Variants in LITAF observed in about 807,000 individuals in gnomAD.
LITAF encodes the protein lipopolysaccharide induced TNF factor, also known as lipopolysaccharide-induced tumor necrosis factor-alpha factor.
In LITAF, 9 loss-of-function variants were observed where a neutral mutation model predicts 14.5. The ratio of observed to expected loss-of-function variants is 0.62; its 90% confidence interval spans 0.37 to 1.08. LITAF has a LOEUF of 1.08. Ranked by LOEUF, LITAF falls within the 50% of genes least tolerant of loss-of-function variation. The pLI, the probability that LITAF is intolerant of heterozygous loss-of-function variation, is 0.01. For missense variants in LITAF, 206 were observed against 213.4 expected (o/e 0.97, Z 0.22); for synonymous variants, 98 against 88.2 (o/e 1.11, Z -0.62).
At chr16:11,570,703 G>A (rs2064528438) in intron 1 of LITAF, among the ~76,000 whole-genome samples, 2 of 152,108 alleles carry the variant, frequency 1.3e-5, no homozygotes, top group African/African-American at 4.8e-5. Flanking sequence ...GAAAGGTAGA[G>A]GAGTTCGAGA....
chr16:11,561,522 A>T (rs11074998), intron 1 of LITAF: 1 of 152,224 alleles, frequency 6.6e-6, no homozygotes, highest in Non-Finnish European at 1.5e-5. Context: ...GAGACACTGC[A>T]TCTTCTGAGC....
intron 3 of LITAF, among the ~76,000 whole-genome samples, chr16:11,624,721 G>T (rs1442424971): frequency 6.6e-6 from 1 of 152,158 alleles, no homozygotes; most frequent in African/African-American, 2.4e-5. Flanking sequence ...AGGGAAGTGT[G>T]ATCGACTGAA....
intron 1 of LITAF, among the ~76,000 whole-genome samples, chr16:11,596,624 G>GGA (rs56192117): frequency 1 from 29,092 of 29,200 alleles, 14,496 homozygotes; most frequent in Middle Eastern, 1. Context: ...GGGGAGAGGA[G>GGA]GAGAGAGGAG....
chr16:11,556,819 T>G (rs938808244), intron 1 of LITAF, 84 bp from the exon 2 acceptor site: 1 of 1,200,108 alleles, frequency 8.3e-7, no homozygotes, highest in Admixed American at 1.9e-5. Context: ...ATTTTCTTTC[T>G]GGCAAACAGA....
At chr16:11,588,699 A>C (rs1259835575), upstream of LITAF, among the ~76,000 whole-genome samples, 1 of 152,138 alleles carries the variant, frequency 6.6e-6, no homozygotes, top group Non-Finnish European at 1.5e-5. Context: ...GGTACCAATT[A>C]TTATACTGAC....
At chr16:11,599,885 G>T (rs2064916773), upstream of LITAF, among the ~76,000 whole-genome samples, 1 of 152,084 alleles carries the variant, frequency 6.6e-6, no homozygotes, top group African/African-American at 2.4e-5. Flanking sequence ...TCAAACCTGT[G>T]CTCAAACACC....
chr16:11,627,047 C>T (rs192444487), intron 3 of LITAF, among the ~76,000 whole-genome samples: 61 of 152,198 alleles, frequency 4.0e-4, no homozygotes, highest in Admixed American at 9.8e-4. Context: ...CCCCTAGGAA[C>T]CCGGGTGTGG....
chr16:11,548,291 C>A lies in LITAF; in HGVS notation c.*1346G>T, dbSNP rs955862439. On this transcript the variant is annotated 3_prime_UTR_variant, in exon 4 of 4. Transcript: ENST00000622633. ...CTTGACTTCAAAGATGACACAGCAG[C>A]CAACCTAGAATCCTGGCTTGCTGCT... 6.6e-6 allele frequency: 3 copies of A among 453,932 alleles called. No individual in the cohort carries two copies. The highest frequency in any genetic ancestry group is 4.7e-5 in the South Asian group (3 of 64,458). 28.1% of individuals were successfully genotyped at this position (453,932 alleles called of 1,614,324 possible).
chr16:11,590,443 C>T (rs1295577363), upstream of LITAF, among the ~76,000 whole-genome samples: 6 of 116,868 alleles, frequency 5.1e-5, 3 homozygotes, highest in Admixed American at 5.0e-4. Flanking sequence ...TTCAAGTACC[C>T]TTACAACCAT....
At chr16:11,629,679 G>A (rs1401399109) in intron 3 of LITAF, among the ~76,000 whole-genome samples, 3 of 152,174 alleles carry the variant, frequency 2.0e-5, no homozygotes, top group African/African-American at 7.2e-5. Context: ...GGTTGCAGCT[G>A]GGGTGGGAAG....
chr16:11,594,883 T>TA (rs200817680), intron 1 of LITAF, among the ~76,000 whole-genome samples: 11,473 of 98,468 alleles, frequency 0.12, 595 homozygotes, highest in Non-Finnish European at 0.13. Context: ...CTCAAAAAAA[T>TA]AAAAAAAAAT....
chr16:11,600,525 C>A (rs866749346), upstream of LITAF, among the ~76,000 whole-genome samples: 6 of 152,204 alleles, frequency 3.9e-5, no homozygotes, highest in Admixed American at 3.9e-4. This position sits in a 1 kb window ranked among gnomAD's most constrained non-coding sequence, Gnocchi z 4.1. Flanking sequence ...AAGTTAAATT[C>A]TCGGACTGGA....
At chr16:11,589,400 C>T (rs2064835178), upstream of LITAF, among the ~76,000 whole-genome samples, 1 of 152,148 alleles carries the variant, frequency 6.6e-6, no homozygotes, top group South Asian at 2.1e-4. Flanking sequence ...CCACTCTGGC[C>T]ACCTCTGTCC....
At chr16:11,583,305 G>A (rs1203255752) in intron 1 of LITAF, among the ~76,000 whole-genome samples, 1 of 152,114 alleles carries the variant, frequency 6.6e-6, no homozygotes, top group African/African-American at 2.4e-5. Context: ...AGTGATTTGT[G>A]GAATGGAAAA....
chr16:11,587,348 G>A (rs895576716), upstream of LITAF: 1 of 451,432 alleles, frequency 2.2e-6, no homozygotes, highest in East Asian at 7.1e-5. Context: ...CTCGACCCCG[G>A]ACCCGCGCTG....
chr16:11,551,774 G>A (rs1255842835), intron 3 of LITAF: 1 of 685,010 alleles, frequency 1.5e-6, no homozygotes, highest in East Asian at 2.8e-5. Flanking sequence ...CAAAGCTGCG[G>A]AGAGCTACGA....
chr16:11,630,736 G>A (rs1055661167), intron 3 of LITAF, among the ~76,000 whole-genome samples: 16 of 151,902 alleles, frequency 1.1e-4, no homozygotes, highest in South Asian at 1.0e-3. Flanking sequence ...CCACCACCAC[G>A]TCCAGATAAT....
chr16:11,627,109 G>A (rs1428658797), intron 3 of LITAF, among the ~76,000 whole-genome samples: 1 of 152,094 alleles, frequency 6.6e-6, no homozygotes, highest in Admixed American at 6.6e-5. Flanking sequence ...TAGCCCCAGG[G>A]GCTGTGTCAT....
chr16:11,616,572 C>T (rs977815821), intron 3 of LITAF, among the ~76,000 whole-genome samples: 2 of 151,944 alleles, frequency 1.3e-5, no homozygotes, highest in African/African-American at 4.8e-5. Context: ...CAGGAAATTA[C>T]GAGGACCTTA....
Sources: allele counts gnomAD v4.1 joint callset (sites outside exome capture counted in the v4.1 genomes callset), GRCh38; gene constraint gnomAD v4.1.1; non-coding constraint Gnocchi (gnomAD v3.1); transcripts MANE v1.5; gene names NCBI Gene and HGNC (gene_info 2026-07-23, HGNC 2026-07-21).